Variants in TAF1 observed in about 807,000 individuals in gnomAD.
TAF1 encodes TATA-box binding protein associated factor 1, also known as transcription initiation factor TFIID subunit 1.
Under a neutral mutation model 138.5 loss-of-function variants are expected in TAF1, and 2 were observed. The ratio of observed to expected loss-of-function variants is 0.01; its 90% CI spans 0.01 to 0.05. The LOEUF (loss-of-function observed/expected upper bound fraction) is 0.05, where lower values mean the gene tolerates loss of function less well. Among genes scored for constraint, TAF1 ranks in the 10% least tolerant of loss-of-function variants. TAF1 has a pLI of 1.00. For missense variants in TAF1, 709 were observed against 1,478.0 expected (o/e 0.48, Z 8.53); for synonymous variants, 437 against 503.2 (o/e 0.87, Z 1.76).
chrX:71,484,762 C>T (rs1176984181), intron 13 of TAF1: 1 of 111,906 alleles, frequency 8.9e-6, no homozygotes, highest in Non-Finnish European at 1.9e-5. Context: ...TGGGCTGGGC[C>T]CGATGATATA....
At chrX:71,506,544 A>G (rs2147595304) in intron 13 of TAF1, among the ~76,000 whole-genome samples, 1 of 108,235 alleles carries the variant, frequency 9.2e-6, no homozygotes, top group South Asian at 4.1e-4. Context: ...TTTTTAAAAA[A>G]AGTAGCCGGG....
chrX:71,417,304 C>A (rs1160924059), intron 28 of TAF1, among the ~76,000 whole-genome samples: 1 of 110,812 alleles, frequency 9.0e-6, no homozygotes, highest in Non-Finnish European at 1.9e-5. Flanking sequence ...AAGGCTCTTA[C>A]TAATTGTGGC....
At chrX:71,455,080 G>C in intron 34 of TAF1, 1 of 1,134,049 alleles carries the variant, frequency 8.8e-7, no homozygotes, top group Non-Finnish European at 1.2e-6. Context: ...GAATGAATGG[G>C]GTGGGGCCTT....
At chrX:71,384,834 A>C (rs1050765457) in intron 13 of TAF1, 111 bp from the exon 14 acceptor site, 1 of 548,525 alleles carries the variant, frequency 1.8e-6, no homozygotes, top group Admixed American at 4.1e-5. Context: ...ACTTCTGGTC[A>C]CAAGCATTTT....
chrX:71,452,116 C>G (rs2038008625), intron 32 of TAF1, among the ~76,000 whole-genome samples: 1 of 106,935 alleles, frequency 9.4e-6, no homozygotes, highest in Non-Finnish European at 2.0e-5. Flanking sequence ...CTGACCCCCC[C>G]CCCCACCTCC....
rs750765988 is a variant in TAF1 at position 71,378,276 on chromosome X, A to T, written c.975A>T (p.Ser325=). 12 of 1,211,668 alleles carry T rather than the reference A, an allele frequency of 9.9e-6. No individual in the cohort carries two copies. The highest frequency in any genetic ancestry group is 1.2e-5 in the Non-Finnish European group (11 of 895,538). Residue 325 remains serine (S), a synonymous_variant, in exon 7 of 38, where the codon TCA becomes TCT. Transcript: ENST00000423759. ...MAPVESKFSQ[S]TGDIDKVTDT... is the part of the protein sequence containing the mutation. The stretch of plus-strand genomic sequence containing the variant: ...CTGTGGAGTCCAAATTTTCCCAATC[A>T]ACTGGAGATATAGATAAAGTGACAG...
At position 71,424,227 on chromosome X, in the gene TAF1, T is replaced by C; in HGVS notation, c.4742T>C (p.Val1581Ala). Residue 1581 changes from valine to alanine, a missense_variant, in exon 32 of 38, where the codon GTT becomes GCT. Physicochemically the swap from Val to Ala is moderately conservative, Grantham distance 64. Around this residue, in one of 14 missense-constraint regions of TAF1, gnomAD observed 36 missense variants for 47.3 expected, o/e 0.76. Transcript: ENST00000423759. Reference sequence around the variant, plus strand: ...GTAAACCTTATTCTGGCCAACAGTGTTAAGTATAATGGTGGGTATTTCTCA... The same window carrying C: ...GTAAACCTTATTCTGGCCAACAGTGCTAAGTATAATGGTGGGTATTTCTCA... ...DDVNLILANS[V>A]KYNGPESQYT... 8.4e-7 allele frequency: 1 copy of C among 1,197,399 alleles called. No individual in the cohort carries two copies. Among genetic ancestry groups the C allele is most frequent in the Non-Finnish European group, 1.1e-6 (1 of 884,538 alleles).
chrX:71,459,488 G>A, intron 35 of TAF1, 64 bp from the exon 36 acceptor site: 3 of 1,175,360 alleles, frequency 2.6e-6, no homozygotes, highest in Non-Finnish European at 3.4e-6. Flanking sequence ...TGTGCCTGGT[G>A]GTGGCTTCTG....
intron 18 of TAF1, chrX:71,389,918 G>A (rs1477329695): frequency 8.8e-6 from 2 of 228,539 alleles, no homozygotes; most frequent in Non-Finnish European, 7.6e-6. Context: ...CTGGAGTGCA[G>A]TGGTGGCATG....
rs768289179 is a variant in TAF1, at chrX:71,459,204, G to A, written c.5065-348G>A. On this transcript the variant is annotated intron_variant, in intron 35 of 37. Transcript: ENST00000423759. Reference sequence around the variant, plus strand: ...GGAAGACTCTGATGTAGATATTGAAGGGTATGATGATGAGGAGGAGGATGG... The same window carrying A: ...GGAAGACTCTGATGTAGATATTGAAAGGTATGATGATGAGGAGGAGGATGG... 5.4e-6 allele frequency: 6 copies of A among 1,102,344 alleles called. No homozygotes were observed. The Admixed American group carries it at 1.4e-4, about 26-fold the overall frequency. The allele number at this position is 1,102,344 out of a possible 1,213,427, so 90.8% of individuals were successfully genotyped here. A position where few individuals can be genotyped will look rare whatever the true frequency, so the allele number is the denominator to read the frequency against.
At chrX:71,409,654 G>A (rs2035663695) in intron 28 of TAF1, among the ~76,000 whole-genome samples, 1 of 110,946 alleles carries the variant, frequency 9.0e-6, no homozygotes, top group African/African-American at 3.3e-5. Context: ...GTAAACATGG[G>A]ATAGTAGTAC....
intron 4 of TAF1, among the ~76,000 whole-genome samples, chrX:71,376,076 A>G (rs1233122035): frequency 8.9e-6 from 1 of 112,069 alleles, no homozygotes; most frequent in African/African-American, 3.2e-5. Context: ...CTATAACAGT[A>G]ACTGTCCTAG....
chrX:71,384,886 C>A, intron 13 of TAF1, 59 bp from the exon 14 acceptor site: 2 of 886,425 alleles, frequency 2.3e-6, no homozygotes, highest in South Asian at 2.3e-5. Flanking sequence ...GTGCTATGGT[C>A]ATATTGTGTA....
At chrX:71,409,543 C>T (rs1399891873) in intron 28 of TAF1, among the ~76,000 whole-genome samples, 3 of 111,793 alleles carry the variant, frequency 2.7e-5, no homozygotes, top group South Asian at 3.7e-4. Context: ...TGTAGGGATT[C>T]GGAGTACAGA....
At chrX:71,420,906 C>T (rs914380490) in intron 28 of TAF1, among the ~76,000 whole-genome samples, 3 of 112,677 alleles carry the variant, frequency 2.7e-5, no homozygotes, top group Non-Finnish European at 5.6e-5. Context: ...GCCTCCCCAC[C>T]GGCCCCAGGC....
chrX:71,407,436 T>C, intron 26 of TAF1, 138 bp from the exon 27 acceptor site: 1 of 496,670 alleles, frequency 2.0e-6, no homozygotes, highest in Non-Finnish European at 3.5e-6. Context: ...CAGGCTGGTG[T>C]TGAACTCTTG....
chrX:71,493,404 T>C (rs1400624728), intron 13 of TAF1, among the ~76,000 whole-genome samples: 2 of 112,663 alleles, frequency 1.8e-5, no homozygotes, highest in Non-Finnish European at 3.7e-5. Flanking sequence ...AGCTAAAACC[T>C]TGTTACAATG....
chrX:71,394,417 C>A (rs2034735463), intron 22 of TAF1, among the ~76,000 whole-genome samples, 172 bp downstream of exon 22: 1 of 112,617 alleles, frequency 8.9e-6, no homozygotes, highest in Non-Finnish European at 1.9e-5. Flanking sequence ...CTAGGATTGT[C>A]TGTGGAGGAC....
chrX:71,403,531 T>A (rs972011264), intron 25 of TAF1, among the ~76,000 whole-genome samples: 1 of 112,025 alleles, frequency 8.9e-6, no homozygotes, highest in Non-Finnish European at 1.9e-5. Flanking sequence ...CCCACTGTTT[T>A]GATCATCTTG....
Sources: gnomAD v4.1 joint callset for allele counts (sites outside exome capture counted in the v4.1 genomes callset) on GRCh38, gnomAD v4.1.1 for gene constraint, gnomAD v4.1.1 regional missense constraint, MANE v1.5 for transcripts, NCBI Gene and HGNC (gene_info 2026-07-23, HGNC 2026-07-21) for gene names.